Variants in PLAC1 observed in about 807,000 individuals in gnomAD.
PLAC1 encodes placenta associated 1.
For missense variants in PLAC1, 136 were observed against 163.2 expected (o/e 0.83, Z 0.91); for synonymous variants, 68 against 62.1 (o/e 1.09, Z -0.44).
chrX:134,648,381 C>T (rs896374601), intron 1 of PLAC1, among the ~76,000 whole-genome samples: 3 of 111,986 alleles, frequency 2.7e-5, no homozygotes, highest in Admixed American at 1.9e-4. Context: ...ATACCAATGC[C>T]TTTTAAAAAA....
intron 2 of PLAC1, among the ~76,000 whole-genome samples, chrX:134,596,926 A>G (rs2078064817): frequency 9.2e-6 from 1 of 108,266 alleles, no homozygotes; most frequent in Non-Finnish European, 1.9e-5. Context: ...GTCTGCTTTC[A>G]AGATTGTTTT....
chrX:134,741,514 G>C (rs1282313120), intron 1 of PLAC1, among the ~76,000 whole-genome samples: 1 of 111,127 alleles, frequency 9.0e-6, no homozygotes, highest in South Asian at 3.8e-4. Flanking sequence ...ACCGAGGAGG[G>C]AGAGAGTAAC....
At chrX:134,720,899 C>A (rs1391747744) in intron 2 of PLAC1, among the ~76,000 whole-genome samples, 1 of 112,239 alleles carries the variant, frequency 8.9e-6, no homozygotes, top group Non-Finnish European at 1.9e-5. Flanking sequence ...CTCAAGTGAT[C>A]CTCCTGCCTC....
chrX:134,601,169 T>G (rs919201175), intron 2 of PLAC1, among the ~76,000 whole-genome samples: 1 of 111,785 alleles, frequency 8.9e-6, no homozygotes, highest in Non-Finnish European at 1.9e-5. Context: ...CATTTACTCA[T>G]GTCATTAAAT....
intron 2 of PLAC1, among the ~76,000 whole-genome samples, chrX:134,703,704 A>G (rs930959485): frequency 9.1e-6 from 1 of 110,253 alleles, no homozygotes; most frequent in African/African-American, 3.3e-5. Flanking sequence ...GTGATAATTG[A>G]TATCTCAATA....
intron 2 of PLAC1, among the ~76,000 whole-genome samples, chrX:134,717,156 T>TTGCTGGGTACATGTGCG (rs2078645631): frequency 2.7e-5 from 3 of 111,955 alleles, no homozygotes; most frequent in Admixed American, 1.9e-4. Flanking sequence ...AGGAAGGCAT[T>TTGCTGGGTACATGTGCG]TGCTGGGTAC....
At position 134,565,955 on chromosome X, in the gene PLAC1, A is replaced by G; in HGVS notation, c.*89T>C. The stretch of plus-strand genomic sequence containing the variant: ...TCTCTTTCTCAAAAGTGCTCACATG[A>G]GGGTCACAAGAGCACTTATTTGTCA... On this transcript the variant is annotated 3_prime_UTR_variant, in exon 3 of 3. Coordinates refer to ENST00000359237, the MANE Select transcript of PLAC1 (RefSeq NM_021796.4). 1.3e-6 allele frequency: 1 copy of G among 779,728 alleles called. No individual in the cohort carries two copies. The highest frequency in any genetic ancestry group is 3.2e-4 in the Middle Eastern group (1 of 3,121). The allele number at this position is 779,728 out of a possible 1,213,427, so 64.3% of individuals were successfully genotyped here. A position where few individuals can be genotyped will look rare whatever the true frequency, so the allele number is the denominator to read the frequency against.
intron 2 of PLAC1, among the ~76,000 whole-genome samples, chrX:134,695,925 A>G (rs2078561369): frequency 9.0e-6 from 1 of 110,946 alleles, no homozygotes; most frequent in South Asian, 3.9e-4. Flanking sequence ...AAGCACTGAG[A>G]AAACCCTTGT....
intron 2 of PLAC1, among the ~76,000 whole-genome samples, chrX:134,692,146 G>A (rs1284653150): frequency 1.8e-5 from 2 of 111,871 alleles, no homozygotes; most frequent in African/African-American, 3.3e-5. Context: ...GAACCAGGGT[G>A]TAATAGGCTC....
intron 2 of PLAC1, among the ~76,000 whole-genome samples, chrX:134,685,495 T>C (rs1418298333): frequency 1.1e-5 from 1 of 89,390 alleles, no homozygotes; most frequent in Non-Finnish European, 2.1e-5. Flanking sequence ...TAGGAAATAG[T>C]GCTCACTTCA....
chrX:134,698,055 C>T (rs193299531), intron 2 of PLAC1, among the ~76,000 whole-genome samples: 15 of 111,585 alleles, frequency 1.3e-4, no homozygotes, highest in African/African-American at 4.2e-4. Flanking sequence ...TTGGTATCAT[C>T]GTTTTAATGT....
chrX:134,649,925 C>A (rs2078354164), intron 1 of PLAC1, among the ~76,000 whole-genome samples: 1 of 111,709 alleles, frequency 9.0e-6, no homozygotes, highest in Admixed American at 9.5e-5. Flanking sequence ...ATCACAGAAA[C>A]TAGAACCTCT....
intron 2 of PLAC1, among the ~76,000 whole-genome samples, chrX:134,591,630 A>T (rs1342431794): frequency 8.9e-6 from 1 of 112,828 alleles, no homozygotes; most frequent in Middle Eastern, 4.2e-3. Flanking sequence ...ATTTGTGTGG[A>T]CATAAGTTTT....
chrX:134,671,085 A>G (rs753274090), intron 2 of PLAC1, among the ~76,000 whole-genome samples: 1 of 112,009 alleles, frequency 8.9e-6, no homozygotes, highest in South Asian at 3.8e-4. Flanking sequence ...TTTGGCTAAG[A>G]CCAAGTTTCT....
chrX:134,596,791 T>C (rs2078064080), intron 2 of PLAC1, among the ~76,000 whole-genome samples: 1 of 109,975 alleles, frequency 9.1e-6, no homozygotes, highest in East Asian at 2.9e-4. Flanking sequence ...GAGATGGGGT[T>C]TCACCATGTT....
chrX:134,763,262 T>C (rs147850516), intron 1 of PLAC1, among the ~76,000 whole-genome samples: 8 of 111,839 alleles, frequency 7.2e-5, no homozygotes, highest in Non-Finnish European at 1.1e-4. Context: ...ACTACTTCAG[T>C]AGTCATGAGG....
At chrX:134,614,804 T>A (rs2078172055) in intron 1 of PLAC1, among the ~76,000 whole-genome samples, 2 of 111,117 alleles carry the variant, frequency 1.8e-5, no homozygotes, top group Non-Finnish European at 3.8e-5. Context: ...CCAGCTAATT[T>A]TTTTTCTTTT....
At chrX:134,642,831 C>A (rs1215085313) in intron 1 of PLAC1, among the ~76,000 whole-genome samples, 5 of 110,157 alleles carry the variant, frequency 4.5e-5, no homozygotes, top group African/African-American at 1.7e-4. Context: ...TGAAAATAGG[C>A]AAAGATTAGC....
intron 2 of PLAC1, among the ~76,000 whole-genome samples, chrX:134,663,534 G>C (rs1015675671): frequency 2.7e-5 from 3 of 112,806 alleles, no homozygotes; most frequent in Non-Finnish European, 5.6e-5. Flanking sequence ...AGGTCTGAGA[G>C]GATTCTTTGA....
Sources: gnomAD v4.1 joint callset for allele counts (sites outside exome capture counted in the v4.1 genomes callset) on GRCh38, gnomAD v4.1.1 for gene constraint, MANE v1.5 for transcripts, NCBI Gene and HGNC (gene_info 2026-07-23, HGNC 2026-07-21) for gene names.